NCOR1: variants seen among roughly 807,000 people sequenced by gnomAD.
The protein encoded by NCOR1 is nuclear receptor corepressor 1.
NCOR1 carries 63 observed loss-of-function variants against 288.1 expected under a neutral mutation model. The observed-to-expected ratio is 0.22, with a 90% confidence interval of 0.18 to 0.27. NCOR1 has a LOEUF of 0.27. NCOR1 is among the 10% of genes least tolerant of loss of function. The probability of loss-of-function intolerance (pLI) is 1.00; values close to 1 mark genes in which losing one functional copy is unlikely to be tolerated. For synonymous variants in NCOR1, 1,007 were observed against 1,065.9 expected, an observed-to-expected ratio of 0.94 and a Z score of 1.08; for missense variants, 2,397 against 3,019.2, an observed-to-expected ratio of 0.79 and a Z score of 4.83.
chr17:16,101,532 T>G lies in NCOR1; in HGVS notation c.2408A>C (p.His803Pro), dbSNP rs1302541547. The G allele has an allele frequency of 6.2e-7, 1 of 1,614,180 alleles. No individual in the cohort carries two copies. ...AEQMDVDQQE[H>P]SAEEGSVCDP... The stretch of plus-strand genomic sequence containing the variant: ...ACAAACAGAACCCTCTTCAGCACTG[T>G]GCTCCTGCTGATCTACATCCATCTG... The change falls in exon 20 of 46, where the codon CAC (histidine) becomes CCC (proline). Residue 803 changes from histidine (H) to proline (P), a missense_variant. By Grantham distance (77) the His-to-Pro change is moderately conservative. Coordinates refer to ENST00000268712, the MANE Select transcript of NCOR1 (RefSeq NM_006311.4).
intron 22 of NCOR1, among the ~76,000 whole-genome samples, chr17:16,090,321 AATCT>A (rs1443107641): frequency 1.3e-5 from 2 of 152,150 alleles, no homozygotes; most frequent in African/African-American, 2.4e-5. Flanking sequence ...TTCTTCACAA[AATCT>A]ATCCTAAATA....
At chr17:16,107,276 C>G (rs1343899342) in intron 19 of NCOR1, among the ~76,000 whole-genome samples, 1 of 151,952 alleles carries the variant, frequency 6.6e-6, no homozygotes, top group Admixed American at 6.6e-5. Flanking sequence ...TCTGTTGGAG[C>G]CCTACCCCCC....
chr17:16,157,449 TATAA>T (rs2079999613), intron 6 of NCOR1, among the ~76,000 whole-genome samples: 1 of 152,234 alleles, frequency 6.6e-6, no homozygotes, highest in Admixed American at 6.5e-5. Context: ...AGATCATTCC[TATAA>T]ATGTGTATTT....
At position 16,073,430 on chromosome 17, in the gene NCOR1, C is replaced by G. The variant is rs1173518136; in HGVS notation, c.3810G>C (p.Glu1270Asp). 5.0e-6 allele frequency: 8 copies of G among 1,597,190 alleles called. No homozygotes were observed. The Admixed American group carries it at 1.4e-4, about 28-fold the overall frequency. ...MRESPVSAPL[E>D]GLICRALPRG... ...AACATTCTGAAAACAATGCTTTACC[C>G]TCTAACGGTGCTGATACAGGAGACT... The change falls in exon 28 of 46, where the codon GAG (glutamate) becomes GAC (aspartate). Residue 1270 changes from glutamate to aspartate, a missense_variant and splice_region_variant. Coordinates refer to ENST00000268712, the MANE Select transcript of NCOR1 (RefSeq NM_006311.4).
At chr17:16,036,461 CAA>C (rs1416420632) in intron 44 of NCOR1, among the ~76,000 whole-genome samples, 1 of 152,190 alleles carries the variant, frequency 6.6e-6, no homozygotes, top group Non-Finnish European at 1.5e-5. Context: ...TAGCCCCTAA[CAA>C]GAGAGTCAGC....
chr17:16,196,110 T>C (rs977901822), intron 1 of NCOR1, among the ~76,000 whole-genome samples: 98 of 149,642 alleles, frequency 6.5e-4, no homozygotes, highest in Non-Finnish European at 1.2e-3. Context: ...ATAGAATTTA[T>C]ATATGATGAA....
intron 44 of NCOR1, among the ~76,000 whole-genome samples, chr17:16,038,662 T>C (rs2056938249): frequency 1.3e-5 from 2 of 152,144 alleles, no homozygotes; most frequent in Non-Finnish European, 2.9e-5. Context: ...GGTCTCAAAC[T>C]CCTGAGCTCA....
chr17:16,073,776 T>C (rs1161966572), intron 27 of NCOR1, among the ~76,000 whole-genome samples: 1 of 152,234 alleles, frequency 6.6e-6, no homozygotes, highest in African/African-American at 2.4e-5. Context: ...AGGCATAAGC[T>C]AGGCTTGCAG....
In NCOR1 at chr17:16,030,979, C is replaced by CTGTT. The variant is rs1427440489; in HGVS notation, c.*1313_*1316dup. 1 of 196,406 alleles carries CTGTT rather than the reference C, an allele frequency of 5.1e-6. No individual in the cohort carries two copies. Among genetic ancestry groups the CTGTT allele is most frequent in the Admixed American group, 6.1e-5 (1 of 16,438 alleles). The allele number at this position is 196,406 out of a possible 1,614,324, so 12.2% of individuals were successfully genotyped here. On this transcript the variant is annotated 3_prime_UTR_variant, in exon 46 of 46. Transcript: ENST00000268712. ...AGTTACCAGTGGCATTCTCCCAAAA[C>CTGTT]TGTTAGTATCTATGTTATAGAAAGA...
chr17:16,086,801 C>A (rs139003205), intron 22 of NCOR1, among the ~76,000 whole-genome samples: 1 of 152,200 alleles, frequency 6.6e-6, no homozygotes, highest in African/African-American at 2.4e-5. Flanking sequence ...TCAGAGAATG[C>A]GCAGACATGA....
At position 16,057,954 on chromosome 17, in the gene NCOR1, G is replaced by T. The variant is rs2152555023; in HGVS notation, c.6121C>A (p.Gln2041Lys). 1.2e-6 allele frequency: 2 copies of T among 1,614,196 alleles called. No individual in the cohort carries two copies. The highest frequency in any genetic ancestry group is 4.5e-5 in the East Asian group (2 of 44,892). ...PPSSQAEGMG[Q>K]VPRTHRLITL... ...ATCAGCCGATGGGTCCTGGGCACTTGCCCCATTCCCTCTGCCTGTGAAGAA... is the reference window on the plus strand; with the variant it reads ...ATCAGCCGATGGGTCCTGGGCACTTTCCCCATTCCCTCTGCCTGTGAAGAA... The change falls in exon 39 of 46, where the codon CAA becomes AAA. Residue 2041 changes from glutamine (Q) to lysine (K), a missense_variant. By Grantham distance (53) the Gln-to-Lys change is moderately conservative. This residue lies in a region of NCOR1 where 1,872 missense variants were observed against 2,187.8 expected (regional missense o/e 0.86). Transcript: ENST00000268712.
intron 1 of NCOR1, among the ~76,000 whole-genome samples, chr17:16,207,600 G>T (rs2091665404): frequency 6.6e-6 from 1 of 151,914 alleles, no homozygotes; most frequent in Non-Finnish European, 1.5e-5. Context: ...AATTAGCCAG[G>T]CGTGGTGGCA....
chr17:16,161,230 G>GACAC (rs67635232), intron 5 of NCOR1, among the ~76,000 whole-genome samples: 5,355 of 143,142 alleles, frequency 0.037, 153 homozygotes, highest in African/African-American at 0.071. Flanking sequence ...AACACACACA[G>GACAC]ACACACACAC....
intron 18 of NCOR1, among the ~76,000 whole-genome samples, chr17:16,113,289 C>T (rs938435315): frequency 3.3e-5 from 5 of 151,852 alleles, no homozygotes; most frequent in Non-Finnish European, 4.4e-5. Context: ...AGTGGCACAA[C>T]CTTCCCCTTT....
At chr17:16,045,211 A>G (rs1006753156) in intron 42 of NCOR1, among the ~76,000 whole-genome samples, 5 of 152,214 alleles carry the variant, frequency 3.3e-5, no homozygotes, top group African/African-American at 1.2e-4. Flanking sequence ...CAATCTGGTT[A>G]AGATGCTATG....
At chr17:16,183,215 G>A (rs2085868486) in intron 3 of NCOR1, among the ~76,000 whole-genome samples, 1 of 113,390 alleles carries the variant, frequency 8.8e-6, no homozygotes, top group Non-Finnish European at 1.7e-5. Flanking sequence ...AGAAGTACTA[G>A]CAAGAGCAAT....
Position 16,065,481 on chromosome 17 carries a change from A to G in NCOR1, c.4951+4T>C, listed in dbSNP as rs750458998. 2.5e-6 allele frequency: 4 copies of G among 1,614,086 alleles called. No homozygotes were observed. The highest frequency in any genetic ancestry group is 3.3e-5 in the Admixed American group (2 of 60,030). ...TACGAAATCTGAAATGCAAAGACAC[A>G]CACCTCTCGTTGCTGGGTATGGGAG... On this transcript the variant is annotated splice_donor_region_variant and intron_variant, in intron 33 of 45. Transcript: ENST00000268712.
chr17:16,178,026 A>G (rs1223725817), intron 3 of NCOR1, among the ~76,000 whole-genome samples: 1 of 151,856 alleles, frequency 6.6e-6, no homozygotes, highest in Non-Finnish European at 1.5e-5. Context: ...CCTGGCCAAC[A>G]TGGTGAAACC....
At chr17:16,038,729 C>CT (rs898611550) in intron 44 of NCOR1, among the ~76,000 whole-genome samples, 8 of 152,032 alleles carry the variant, frequency 5.3e-5, no homozygotes, top group Non-Finnish European at 1.0e-4. Flanking sequence ...TTTTCCTACT[C>CT]TTTTTTTATG....
Sources: allele counts gnomAD v4.1 joint callset (sites outside exome capture counted in the v4.1 genomes callset), GRCh38; gene constraint gnomAD v4.1.1; regional missense constraint gnomAD v4.1.1; transcripts MANE v1.5; gene names NCBI Gene and HGNC (gene_info 2026-07-23, HGNC 2026-07-21).